The following SPOCK1 variants were observed in gnomAD, a reference collection of about 807,000 sequenced individuals.
SPOCK1 encodes the protein testican-1.
SPOCK1 carries 23 observed loss-of-function variants against 55.3 expected under a neutral mutation model. The observed-to-expected ratio is 0.42, with a 90% CI of 0.30 to 0.59. SPOCK1 has a LOEUF of 0.59. Among genes scored for constraint, SPOCK1 ranks in the 20% least tolerant of loss-of-function variants. The probability of loss-of-function intolerance (pLI) is 0.22; values close to 1 mark genes in which losing one functional copy is unlikely to be tolerated. For missense variants in SPOCK1, 499 were observed against 552.5 expected (o/e 0.90, Z 0.97); for synonymous variants, 226 against 221.0 (o/e 1.02, Z -0.20).
chr5:137,343,319 C>T lies in SPOCK1; in HGVS notation c.187-76264G>A, dbSNP rs554774563. On this transcript the variant is annotated intron_variant, in intron 2 of 10. Coordinates refer to ENST00000394945, the MANE Select transcript of SPOCK1 (RefSeq NM_004598.4). ...TTCCTTTCCTTCCCTACTGAGGACCCTCTTGTCTAGGCTCACCCAGAGCAG... is the reference window on the plus strand; with the variant it reads ...TTCCTTTCCTTCCCTACTGAGGACCTTCTTGTCTAGGCTCACCCAGAGCAG... 2.6e-4 allele frequency among the ~76,000 whole-genome samples: 39 copies of T among 152,338 alleles called. No homozygotes were observed. The South Asian group carries it at 7.5e-3, about 29-fold the overall frequency.
intron 2 of SPOCK1, among the ~76,000 whole-genome samples, chr5:137,379,859 C>A (rs1043131695): frequency 2.6e-5 from 4 of 152,220 alleles, no homozygotes; most frequent in Admixed American, 6.5e-5. Context: ...AAACTCATCT[C>A]TCAAGTCATT....
At chr5:137,310,775 T>C (rs972900897) in intron 2 of SPOCK1, among the ~76,000 whole-genome samples, 9 of 152,202 alleles carry the variant, frequency 5.9e-5, no homozygotes, top group Non-Finnish European at 1.3e-4. Flanking sequence ...GAATTAATAA[T>C]TTGGAGAACA....
At chr5:137,020,166 C>T (rs72792577) in intron 6 of SPOCK1, among the ~76,000 whole-genome samples, 8,654 of 151,180 alleles carry the variant, frequency 0.057, 311 homozygotes, top group East Asian at 0.2. Context: ...ATTTCCATAA[C>T]TCTATGTAGG....
intron 2 of SPOCK1, among the ~76,000 whole-genome samples, chr5:137,372,120 C>CA (rs1342905783): frequency 1.3e-5 from 2 of 152,178 alleles, no homozygotes; most frequent in African/African-American, 4.8e-5. Context: ...ATACTCCCAG[C>CA]ACGTCCCACT....
At chr5:137,450,495 A>G (rs1161956919) in intron 2 of SPOCK1, among the ~76,000 whole-genome samples, 3 of 152,136 alleles carry the variant, frequency 2.0e-5, no homozygotes, top group African/African-American at 7.2e-5. Context: ...CTCCAGCTCA[A>G]TCAGGGCTGA....
intron 4 of SPOCK1, among the ~76,000 whole-genome samples, 157 bp downstream of exon 4, chr5:137,140,423 T>C (rs1754071926): frequency 3.3e-5 from 5 of 152,224 alleles, no homozygotes. Flanking sequence ...CTGAGATTCC[T>C]ATCATAGTCA....
intron 3 of SPOCK1, among the ~76,000 whole-genome samples, chr5:137,144,201 A>C (rs1206627418): frequency 6.6e-6 from 1 of 152,036 alleles, no homozygotes; most frequent in Non-Finnish European, 1.5e-5. Flanking sequence ...GAATGCAGCC[A>C]TCCCCCAACT....
chr5:137,303,796 G>A (rs1179163865), intron 2 of SPOCK1, among the ~76,000 whole-genome samples: 2 of 152,150 alleles, frequency 1.3e-5, no homozygotes, highest in Non-Finnish European at 2.9e-5. Context: ...AGCCAGGAGG[G>A]GCCCACAGAG....
intron 3 of SPOCK1, among the ~76,000 whole-genome samples, chr5:137,240,376 A>G (rs932372175): frequency 6.6e-6 from 1 of 152,236 alleles, no homozygotes; most frequent in East Asian, 1.9e-4. Flanking sequence ...AAGCAGGCAT[A>G]TGACATGGCA....
chr5:137,037,176 AAGAACC>A (rs1350721190), intron 6 of SPOCK1, among the ~76,000 whole-genome samples: 2 of 151,938 alleles, frequency 1.3e-5, no homozygotes, highest in Non-Finnish European at 2.9e-5. Flanking sequence ...ATGCCTCCCC[AAGAACC>A]AGAAGGAGAT....
chr5:137,091,210 G>A (rs1753049239), intron 5 of SPOCK1, among the ~76,000 whole-genome samples: 1 of 152,160 alleles, frequency 6.6e-6, no homozygotes, highest in South Asian at 2.1e-4. Flanking sequence ...TCCTCCCAAG[G>A]ACTATCTCTT....
rs62387910 is a variant in SPOCK1, at chr5:137,064,161, G to A, written c.589+3554C>T. 4.7e-3 allele frequency among the ~76,000 whole-genome samples: 716 copies of A among 152,194 alleles called. 2 individuals are homozygous for A. The highest frequency in any genetic ancestry group is 6.0e-3 in the Non-Finnish European group (405 of 68,016). ...TGTTAAGAACTCCATCCAAGGGGAT[G>A]GATCCCAAAGAAAAAGAAAACACCA... On this transcript the variant is annotated intron_variant, in intron 6 of 10. Coordinates refer to ENST00000394945, the MANE Select transcript of SPOCK1 (RefSeq NM_004598.4).
intron 2 of SPOCK1, among the ~76,000 whole-genome samples, chr5:137,436,698 A>G (rs976763937): frequency 6.6e-6 from 1 of 152,224 alleles, no homozygotes; most frequent in Non-Finnish European, 1.5e-5. Context: ...ATTACTTTGG[A>G]AAGAACTGAC....
intron 2 of SPOCK1, among the ~76,000 whole-genome samples, chr5:137,424,249 C>T (rs1249472752): frequency 6.6e-6 from 1 of 152,130 alleles, no homozygotes; most frequent in African/African-American, 2.4e-5. Context: ...GGCACGGTGG[C>T]ATGCACCTGT....
intron 3 of SPOCK1, among the ~76,000 whole-genome samples, chr5:137,196,333 G>A (rs769172038): frequency 1.8e-4 from 28 of 152,178 alleles, no homozygotes; most frequent in African/African-American, 9.7e-5. Context: ...CTGTCGCCTA[G>A]CCCTCTGCAT....
intron 3 of SPOCK1, among the ~76,000 whole-genome samples, chr5:137,195,554 G>C (rs930158745): frequency 2.0e-5 from 3 of 152,234 alleles, no homozygotes; most frequent in Non-Finnish European, 4.4e-5. Context: ...AGTGGATGAA[G>C]GATGGGGCTT....
At chr5:137,434,141 T>C (rs953588484) in intron 2 of SPOCK1, among the ~76,000 whole-genome samples, 17 of 152,216 alleles carry the variant, frequency 1.1e-4, no homozygotes, top group African/African-American at 3.9e-4. Flanking sequence ...TCTGAAGAAA[T>C]GGCAAAGTTG....
At chr5:136,981,734 A>T (rs1222408419) in intron 9 of SPOCK1, among the ~76,000 whole-genome samples, 2 of 152,188 alleles carry the variant, frequency 1.3e-5, no homozygotes. Flanking sequence ...ACTACATTCA[A>T]TGCCTAGATT....
At chr5:137,058,291 T>C (rs1752336988) in intron 6 of SPOCK1, among the ~76,000 whole-genome samples, 3 of 152,330 alleles carry the variant, frequency 2.0e-5, no homozygotes, top group Non-Finnish European at 4.4e-5. Flanking sequence ...ATCTATTATC[T>C]GTGTGGCCTT....
Sources: allele counts gnomAD v4.1 joint callset (sites outside exome capture counted in the v4.1 genomes callset), GRCh38; gene constraint gnomAD v4.1.1; transcripts MANE v1.5; gene names NCBI Gene and HGNC (gene_info 2026-07-23, HGNC 2026-07-21).